CCDC3: variants seen among roughly 807,000 people sequenced by gnomAD.
CCDC3 encodes the protein coiled-coil domain-containing protein 3.
In CCDC3, 24 loss-of-function variants were observed where a neutral mutation model predicts 21.4. The ratio of observed to expected loss-of-function variants is 1.12; its 90% CI spans 0.81 to 1.58. The LOEUF (loss-of-function observed/expected upper bound fraction) is 1.58, where lower values mean the gene tolerates loss of function less well. Among genes scored for constraint, CCDC3 ranks in the 40% most tolerant of loss-of-function variants. The pLI, the probability that CCDC3 is intolerant of heterozygous loss-of-function variation, is 0.00. For missense variants in CCDC3, 425 were observed against 360.9 expected, an observed-to-expected ratio of 1.18 and a Z score of -1.44; for synonymous variants, 186 against 166.0, an observed-to-expected ratio of 1.12 and a Z score of -0.93.
At chr10:13,007,970 G>A (rs1474722795) in intron 5 of CCDC3, among the ~76,000 whole-genome samples, 2 of 152,162 alleles carry the variant, frequency 1.3e-5, no homozygotes, top group African/African-American at 4.8e-5. Context: ...CCTACTGCAG[G>A]TGTGAACCAC....
chr10:12,922,759 C>T (rs1034434715), intron 2 of CCDC3, among the ~76,000 whole-genome samples: 1 of 152,116 alleles, frequency 6.6e-6, no homozygotes, highest in Admixed American at 6.6e-5. Flanking sequence ...TAAGGAGTGT[C>T]AATTTCTCAC....
intron 3 of CCDC3, among the ~76,000 whole-genome samples, chr10:13,080,377 AT>A (rs1269792136): frequency 2.0e-5 from 3 of 152,244 alleles, no homozygotes; most frequent in Non-Finnish European, 4.4e-5. Context: ...GCCATAAAAA[AT>A]GTTACAAAAG....
chr10:12,958,987 A>C (rs1449307992), intron 2 of CCDC3, among the ~76,000 whole-genome samples: 1 of 152,162 alleles, frequency 6.6e-6, no homozygotes, highest in East Asian at 1.9e-4. Flanking sequence ...TAACCAAAGA[A>C]AAGTAAGGTC....
chr10:13,035,004 C>T (rs1243191760), intron 5 of CCDC3, among the ~76,000 whole-genome samples: 12 of 146,018 alleles, frequency 8.2e-5, no homozygotes, highest in South Asian at 2.1e-4. Flanking sequence ...CCAGTCTGGG[C>T]GACAAAGTGA....
Position 12,947,226 on chromosome 10 carries a change from G to A in CCDC3, c.550-48547C>T, listed in dbSNP as rs11258077. On this transcript the variant is annotated intron_variant, in intron 2 of 2. Transcript: ENST00000378825. ...GCAGTGGCATGATCTTGGCTCACAG[G>A]AACTTCTGCCTCCCAGGTTCAAGTG... Among the ~76,000 whole-genome samples, 885 of 151,684 alleles carry A rather than the reference G, an allele frequency of 5.8e-3. 7 individuals carry two copies. Among genetic ancestry groups the A allele is most frequent in the Middle Eastern group, 0.037 (11 of 294 alleles).
chr10:12,925,855 G>A (rs944216146), intron 2 of CCDC3, among the ~76,000 whole-genome samples: 3 of 152,232 alleles, frequency 2.0e-5, no homozygotes, highest in Non-Finnish European at 2.9e-5. Flanking sequence ...TGTGCTTAAG[G>A]GATGATCTGA....
At chr10:12,965,908 C>T (rs983767518) in intron 2 of CCDC3, among the ~76,000 whole-genome samples, 1 of 152,182 alleles carries the variant, frequency 6.6e-6, no homozygotes, top group Admixed American at 6.5e-5. Context: ...GAACACAGTT[C>T]ACATTGGATG....
At chr10:13,001,047 T>C in intron 1 of CCDC3, 150 bp downstream of exon 1, 1 of 986,164 alleles carries the variant, frequency 1.0e-6, no homozygotes, top group South Asian at 1.7e-5. Context: ...GCAAGAAAGA[T>C]CCAAGAAGGC....
At chr10:12,936,095 C>G (rs1188117445) in intron 2 of CCDC3, among the ~76,000 whole-genome samples, 2 of 152,092 alleles carry the variant, frequency 1.3e-5, no homozygotes, top group African/African-American at 4.8e-5. Context: ...AAGTTTCTGA[C>G]CTATATCAAT....
chr10:12,920,118 G>A (rs1564283967), intron 2 of CCDC3, among the ~76,000 whole-genome samples: 1 of 152,134 alleles, frequency 6.6e-6, no homozygotes, highest in Non-Finnish European at 1.5e-5. Context: ...AAGAAAAAGA[G>A]GTTTAATGGA....
intron 2 of CCDC3, among the ~76,000 whole-genome samples, chr10:12,994,413 CA>C (rs1212456630): frequency 4.6e-4 from 57 of 124,982 alleles, no homozygotes; most frequent in South Asian, 1.1e-3. Context: ...CAAAACAAAA[CA>C]AAAAAAAAAA....
chr10:12,904,324 C>G (rs562955420), intron 2 of CCDC3, among the ~76,000 whole-genome samples: 4 of 151,770 alleles, frequency 2.6e-5, no homozygotes, highest in African/African-American at 7.3e-5. Flanking sequence ...TAAAAAATAG[C>G]CCGGCATAGT....
intron 5 of CCDC3, among the ~76,000 whole-genome samples, chr10:13,026,104 C>A (rs1320517981): frequency 6.6e-6 from 1 of 152,000 alleles, no homozygotes; most frequent in Non-Finnish European, 1.5e-5. Context: ...TTGCTTGAAC[C>A]CGAGAGGCAG....
intron 2 of CCDC3, among the ~76,000 whole-genome samples, chr10:12,910,080 C>T (rs1047270561): frequency 6.6e-6 from 1 of 152,232 alleles, no homozygotes; most frequent in East Asian, 1.9e-4. Flanking sequence ...CACACAGCCA[C>T]ATCCAGGTCC....
chr10:12,960,492 C>T (rs944318376), intron 2 of CCDC3, among the ~76,000 whole-genome samples: 1 of 152,144 alleles, frequency 6.6e-6, no homozygotes, highest in African/African-American at 2.4e-5. Context: ...AGCTGCCAGG[C>T]AGGGAGATTT....
intron 3 of CCDC3, among the ~76,000 whole-genome samples, chr10:13,081,282 T>G (rs1168218401): frequency 6.6e-6 from 1 of 152,182 alleles, no homozygotes; most frequent in African/African-American, 2.4e-5. Flanking sequence ...TATCTTCCAC[T>G]TTCCCTTCCC....
intron 2 of CCDC3, among the ~76,000 whole-genome samples, chr10:12,978,973 C>T (rs570118270): frequency 5.3e-4 from 81 of 152,236 alleles, no homozygotes; most frequent in African/African-American, 1.8e-3. Context: ...CTTTTGTTCC[C>T]AAATGAGAGC....
chr10:12,964,385 AAAG>A (rs1383080469), intron 2 of CCDC3, among the ~76,000 whole-genome samples: 2 of 151,326 alleles, frequency 1.3e-5, no homozygotes, highest in Non-Finnish European at 1.5e-5. Flanking sequence ...AGAAAAAAAA[AAAG>A]AGAGAGAATG....
chr10:13,032,292 C>A (rs527768723), intron 5 of CCDC3, among the ~76,000 whole-genome samples: 1 of 152,238 alleles, frequency 6.6e-6, no homozygotes, highest in South Asian at 2.1e-4. Context: ...ATTCAACAGC[C>A]CTTCATGCTA....
Sources: allele counts gnomAD v4.1 joint callset (sites outside exome capture counted in the v4.1 genomes callset), GRCh38; gene constraint gnomAD v4.1.1; transcripts MANE v1.5; gene names NCBI Gene and HGNC (gene_info 2026-07-23, HGNC 2026-07-21).